The following ARHGEF3 variants were observed in gnomAD, a reference collection of about 807,000 sequenced individuals.
The protein encoded by ARHGEF3 is 59.8 kDA protein.
Under a neutral mutation model 63.2 loss-of-function variants are expected in ARHGEF3, and 28 were observed. The ratio of observed to expected loss-of-function variants is 0.44; its 90% confidence interval spans 0.33 to 0.61. The LOEUF (loss-of-function observed/expected upper bound fraction) is 0.61, where lower values mean the gene tolerates loss of function less well. ARHGEF3 is among the 20% of genes least tolerant of loss of function. The probability of loss-of-function intolerance (pLI) is 0.03; values close to 1 mark genes in which losing one functional copy is unlikely to be tolerated. For synonymous variants in ARHGEF3, 266 were observed against 254.2 expected, an observed-to-expected ratio of 1.05 and a Z score of -0.44; for missense variants, 533 against 659.3, an observed-to-expected ratio of 0.81 and a Z score of 2.10.
intron 2 of ARHGEF3, among the ~76,000 whole-genome samples, chr3:57,025,995 T>C (rs868177237): frequency 2.2e-4 from 33 of 152,080 alleles, no homozygotes; most frequent in African/African-American, 7.7e-4. Context: ...GGAACAAAAT[T>C]CTCAAGACTC....
At chr3:56,995,663 GAGA>G (rs1701954273) in intron 2 of ARHGEF3, among the ~76,000 whole-genome samples, 2 of 123,926 alleles carry the variant, frequency 1.6e-5, no homozygotes, top group Non-Finnish European at 1.8e-5. Context: ...GAGAGAGAGA[GAGA>G]GAGAGAATTT....
intron 4 of ARHGEF3, among the ~76,000 whole-genome samples, chr3:56,807,223 G>A (rs557930734): frequency 1.3e-5 from 2 of 152,146 alleles, no homozygotes; most frequent in South Asian, 2.1e-4. Flanking sequence ...TCATCCATCC[G>A]TTCATTCATT....
rs555281279 is a variant in ARHGEF3 at position 57,067,377 on chromosome 3, C to G, written c.-28+11849G>C. On this transcript the variant is annotated intron_variant, in intron 1 of 12. Transcript: ENST00000338458. ...GGCTGAGGCGGGAGAATGGCGTGAA[C>G]CCAGGAGGCAGAGCTTATAGTGAGC... is the stretch of plus-strand genomic sequence containing the variant. 5.7e-4 allele frequency among the ~76,000 whole-genome samples: 86 copies of G among 151,404 alleles called. 1 individual carries two copies. The highest frequency in any genetic ancestry group is 2.0e-3 in the African/African-American group (84 of 41,286).
At chr3:56,852,656 A>C (rs1182249330) in intron 4 of ARHGEF3, among the ~76,000 whole-genome samples, 1 of 152,106 alleles carries the variant, frequency 6.6e-6, no homozygotes, top group Non-Finnish European at 1.5e-5. Context: ...CATGGGATTA[A>C]AGAAAAAAAA....
rs193073908 is a variant in ARHGEF3, at chr3:56,821,242, G to T, written c.193-47426C>A. The stretch of plus-strand genomic sequence containing the variant: ...AGTACTGATGAGTAAAGTGATATAT[G>T]GCCAAGGTTTGCTTAAAATACTCCT... On this transcript the variant is annotated intron_variant, in intron 4 of 12. Transcript: ENST00000338458. Among the ~76,000 whole-genome samples, 3 of 152,220 alleles carry T rather than the reference G, an allele frequency of 2.0e-5. No individual in the cohort carries two copies. The East Asian group carries it at 5.8e-4, about 29-fold the overall frequency.
intron 2 of ARHGEF3, among the ~76,000 whole-genome samples, chr3:57,033,100 C>T (rs958656920): frequency 6.6e-6 from 1 of 152,140 alleles, no homozygotes; most frequent in Non-Finnish European, 1.5e-5. Flanking sequence ...AATTAAAAAG[C>T]TAAAGATCTG....
intron 3 of ARHGEF3, among the ~76,000 whole-genome samples, chr3:56,958,547 G>C (rs1700145152): frequency 6.6e-6 from 1 of 151,884 alleles, no homozygotes; most frequent in African/African-American, 2.4e-5. Flanking sequence ...GCCTAGGCTG[G>C]TCTCAAACTC....
intron 1 of ARHGEF3, among the ~76,000 whole-genome samples, chr3:56,799,700 CTGATA>C (rs1183738019): frequency 2.0e-5 from 3 of 152,192 alleles, no homozygotes; most frequent in African/African-American, 7.2e-5. Context: ...GCCTTTTGCG[CTGATA>C]AGGAAACCAG....
chr3:56,930,381 G>A (rs2042379361), intron 3 of ARHGEF3, among the ~76,000 whole-genome samples: 1 of 152,074 alleles, frequency 6.6e-6, no homozygotes, highest in Admixed American at 6.5e-5. Flanking sequence ...CTAAACCAGA[G>A]ACTTTTAAGG....
chr3:56,786,241 A>G (rs919953229), intron 1 of ARHGEF3, among the ~76,000 whole-genome samples: 3 of 152,228 alleles, frequency 2.0e-5, no homozygotes, highest in African/African-American at 7.2e-5. Flanking sequence ...AATTGGAAAT[A>G]AATTTTTAAA....
At position 56,781,305 on chromosome 3, in the gene ARHGEF3, T is replaced by C. The variant is rs535005333; in HGVS notation, c.97-7489A>G. Among the ~76,000 whole-genome samples, 6 of 151,816 alleles carry C rather than the reference T, an allele frequency of 4.0e-5. No homozygotes were observed. In the East Asian group the frequency reaches 7.8e-4, roughly 20 times the overall value. On this transcript the variant is annotated intron_variant, in intron 1 of 9. Transcript: ENST00000296315. Reference sequence around the variant, plus strand: ...TTCTGTCACTGGGACTAGAGTGCAGTGGCACAATCTCAGCTCACCGCAACC... The same window carrying C: ...TTCTGTCACTGGGACTAGAGTGCAGCGGCACAATCTCAGCTCACCGCAACC...
chr3:56,959,871 G>A (rs986495354), intron 2 of ARHGEF3, among the ~76,000 whole-genome samples: 6 of 152,282 alleles, frequency 3.9e-5, no homozygotes, highest in Non-Finnish European at 8.8e-5. Context: ...ACAGCTACTC[G>A]GGAGGCTGAG....
At chr3:57,024,058 C>T (rs1703368983) in intron 2 of ARHGEF3, among the ~76,000 whole-genome samples, 2 of 152,244 alleles carry the variant, frequency 1.3e-5, no homozygotes, top group South Asian at 4.1e-4. Context: ...GCTTTGGGCA[C>T]CCCAATGCAC....
chr3:56,977,600 G>A (rs1701173367), intron 2 of ARHGEF3, among the ~76,000 whole-genome samples: 1 of 152,148 alleles, frequency 6.6e-6, no homozygotes, highest in Non-Finnish European at 1.5e-5. Flanking sequence ...TCTGGACCAG[G>A]CCAATAAATA....
chr3:57,025,516 T>C (rs377649791), intron 2 of ARHGEF3, among the ~76,000 whole-genome samples: 1 of 152,174 alleles, frequency 6.6e-6, no homozygotes, highest in Non-Finnish European at 1.5e-5. Flanking sequence ...TGTTAGCATG[T>C]TGAAGTTGGC....
At chr3:56,961,384 C>T (rs944196206) in intron 2 of ARHGEF3, among the ~76,000 whole-genome samples, 1 of 152,036 alleles carries the variant, frequency 6.6e-6, no homozygotes, top group South Asian at 2.1e-4. Flanking sequence ...TATTTGGTGG[C>T]CAATTTGGGA....
At chr3:56,738,936 TA>T (rs898860134) in intron 7 of ARHGEF3, among the ~76,000 whole-genome samples, 5 of 150,858 alleles carry the variant, frequency 3.3e-5, no homozygotes, top group Non-Finnish European at 7.4e-5. Context: ...CTAAAAATAT[TA>T]AAAAAAAATT....
At chr3:56,963,966 T>C (rs950214018) in intron 2 of ARHGEF3, among the ~76,000 whole-genome samples, 1 of 152,156 alleles carries the variant, frequency 6.6e-6, no homozygotes, top group Non-Finnish European at 1.5e-5. Context: ...CCCAATAACA[T>C]TTCTATGGCT....
intron 2 of ARHGEF3, among the ~76,000 whole-genome samples, chr3:56,986,090 G>A (rs958578417): frequency 4.6e-5 from 7 of 152,202 alleles, no homozygotes; most frequent in Non-Finnish European, 8.8e-5. Context: ...TGTATTTGGG[G>A]CTCTGGAGTC....
Sources: gnomAD v4.1 joint callset for allele counts (sites outside exome capture counted in the v4.1 genomes callset) on GRCh38, gnomAD v4.1.1 for gene constraint, MANE v1.5 for transcripts, NCBI Gene and HGNC (gene_info 2026-07-23, HGNC 2026-07-21) for gene names.